Variants in GRID2 observed in about 807,000 individuals in gnomAD.
GRID2 encodes the protein glutamate receptor ionotropic, delta-2.
A neutral mutation model predicts 114.8 loss-of-function variants in GRID2; 33 were observed. The observed-to-expected ratio is 0.29, with a 90% CI of 0.22 to 0.38. GRID2 has a LOEUF of 0.38. GRID2 is among the 10% of genes least tolerant of loss of function. GRID2 has a pLI of 1.00. For synonymous variants in GRID2, 505 were observed against 449.9 expected, an observed-to-expected ratio of 1.12 and a Z score of -1.55; for missense variants, 1,184 against 1,257.7, an observed-to-expected ratio of 0.94 and a Z score of 0.89.
chr4:92,732,130 T>C (rs746592499), intron 2 of GRID2, among the ~76,000 whole-genome samples: 21 of 151,996 alleles, frequency 1.4e-4, no homozygotes, highest in Non-Finnish European at 2.8e-4. Context: ...TAGTATATTG[T>C]AGTCAACACC....
At chr4:92,461,357 A>G (rs913129353) in intron 1 of GRID2, among the ~76,000 whole-genome samples, 1 of 151,980 alleles carries the variant, frequency 6.6e-6, no homozygotes, top group African/African-American at 2.4e-5. Flanking sequence ...ATGTTGAGAA[A>G]AAGCATGGTA....
intron 8 of GRID2, among the ~76,000 whole-genome samples, chr4:93,262,192 C>T (rs114865732): frequency 1.3e-5 from 2 of 151,766 alleles, no homozygotes; most frequent in Non-Finnish European, 2.9e-5. Flanking sequence ...CTTTCAGAAA[C>T]CCAGTCAAAA....
chr4:93,741,190 T>TATATATATATATAC (rs1553994857), intron 14 of GRID2, among the ~76,000 whole-genome samples: 1 of 30,716 alleles, frequency 3.3e-5, no homozygotes, highest in South Asian at 1.2e-3. Flanking sequence ...TATATATATA[T>TATATATATATATAC]ATATATATAT....
intron 2 of GRID2, among the ~76,000 whole-genome samples, chr4:92,921,567 T>A (rs538406639): frequency 6.6e-6 from 1 of 152,326 alleles, no homozygotes; most frequent in East Asian, 1.9e-4. Context: ...CTTCTAACAG[T>A]CAGGACCCTC....
At chr4:92,393,478 A>T (rs1158931069) in intron 1 of GRID2, among the ~76,000 whole-genome samples, 2 of 152,106 alleles carry the variant, frequency 1.3e-5, no homozygotes, top group Admixed American at 1.3e-4. Context: ...ACCTACATAT[A>T]CTCTGAACAA....
chr4:92,306,732 C>A (rs1354968024), intron 1 of GRID2, among the ~76,000 whole-genome samples: 1 of 152,116 alleles, frequency 6.6e-6, no homozygotes, highest in Non-Finnish European at 1.5e-5. Flanking sequence ...TAGAACAAAA[C>A]TGTTGTATTT....
At chr4:93,521,830 G>T (rs1184687055) in intron 13 of GRID2, among the ~76,000 whole-genome samples, 3 of 152,088 alleles carry the variant, frequency 2.0e-5, no homozygotes, top group Admixed American at 1.3e-4. Flanking sequence ...AGTGACACTG[G>T]TAACTGTAGT....
chr4:93,134,887 G>A lies in GRID2; in HGVS notation c.735+23934G>A, dbSNP rs193263590. 4.8e-3 allele frequency among the ~76,000 whole-genome samples: 726 copies of A among 152,054 alleles called. 10 individuals carry two copies. The highest frequency in any genetic ancestry group is 0.017 in the African/African-American group (690 of 41,514). On this transcript the variant is annotated intron_variant, in intron 4 of 15. Coordinates refer to ENST00000282020, the MANE Select transcript of GRID2 (RefSeq NM_001510.4). Reference sequence around the variant, plus strand: ...AGAAATGTATGCCTCGTTGCCCCTCGCTGTTTGGCGTATTGAAACTTGCCT... The same window carrying A: ...AGAAATGTATGCCTCGTTGCCCCTCACTGTTTGGCGTATTGAAACTTGCCT...
chr4:93,073,385 A>T (rs1019448387), intron 2 of GRID2, among the ~76,000 whole-genome samples: 1 of 152,160 alleles, frequency 6.6e-6, no homozygotes, highest in Non-Finnish European at 1.5e-5. Flanking sequence ...GATTGTCATA[A>T]TAATATTTTC....
At chr4:92,423,635 C>A (rs1479773021) in intron 1 of GRID2, among the ~76,000 whole-genome samples, 1 of 152,094 alleles carries the variant, frequency 6.6e-6, no homozygotes, top group East Asian at 1.9e-4. Flanking sequence ...GGGAGTAATG[C>A]TTCTTATGCA....
At chr4:92,582,935 C>A (rs548650337) in intron 1 of GRID2, among the ~76,000 whole-genome samples, 32 of 151,988 alleles carry the variant, frequency 2.1e-4, no homozygotes, top group Admixed American at 1.8e-3. Context: ...TGCAGTGAGC[C>A]ATGGCTGTAT....
At chr4:92,379,667 A>C (rs967926116) in intron 1 of GRID2, among the ~76,000 whole-genome samples, 1 of 151,972 alleles carries the variant, frequency 6.6e-6, no homozygotes, top group African/African-American at 2.4e-5. Flanking sequence ...ATGAAAGACT[A>C]AGGATGTTAG....
chr4:92,374,212 T>C (rs1285254059), intron 1 of GRID2, among the ~76,000 whole-genome samples: 1 of 152,158 alleles, frequency 6.6e-6, no homozygotes, highest in Non-Finnish European at 1.5e-5. Context: ...AGAAACATTT[T>C]ACAACTTATT....
chr4:92,790,351 A>G (rs976376275), intron 2 of GRID2, among the ~76,000 whole-genome samples: 1 of 151,790 alleles, frequency 6.6e-6, no homozygotes, highest in Non-Finnish European at 1.5e-5. Flanking sequence ...ATATTTCTCA[A>G]TAAATGGCAA....
rs565337245 is a variant in GRID2 at position 92,769,325 on chromosome 4, C to T, written c.244+179039C>T. Among the ~76,000 whole-genome samples, 3 of 152,314 alleles carry T rather than the reference C, an allele frequency of 2.0e-5. No homozygotes were observed. In the East Asian group the frequency reaches 5.8e-4, roughly 29 times the overall value. ...AGGTAGCTTTGCCCCTGTAGCTTTG[C>T]AGGGCACAGCCTCCCTCTCACCTGC... is the stretch of plus-strand genomic sequence containing the variant. On this transcript the variant is annotated intron_variant, in intron 2 of 15. Transcript: ENST00000282020.
chr4:92,628,101 TGA>T (rs936685911), intron 2 of GRID2, among the ~76,000 whole-genome samples: 6 of 152,270 alleles, frequency 3.9e-5, no homozygotes, highest in African/African-American at 9.6e-5. Context: ...TTAATATAAT[TGA>T]GAGTTTATAT....
At chr4:92,431,912 A>G (rs62311046) in intron 1 of GRID2, among the ~76,000 whole-genome samples, 43,781 of 152,164 alleles carry the variant, frequency 0.29, 6,434 homozygotes, top group South Asian at 0.37. Context: ...GCATGTTATA[A>G]TCTAAGTCTT....
intron 2 of GRID2, among the ~76,000 whole-genome samples, chr4:92,597,378 T>TCTA (rs1729005260): frequency 6.6e-6 from 1 of 152,200 alleles, no homozygotes; most frequent in South Asian, 2.1e-4. Flanking sequence ...GTAACAGGTC[T>TCTA]CTACTACAGT....
intron 2 of GRID2, among the ~76,000 whole-genome samples, chr4:92,721,130 T>C (rs1201106659): frequency 1.3e-5 from 2 of 152,004 alleles, no homozygotes. Flanking sequence ...CGAGGTAAAA[T>C]GGTAGTTGCC....
Sources: gnomAD v4.1 joint callset for allele counts (sites outside exome capture counted in the v4.1 genomes callset) on GRCh38, gnomAD v4.1.1 for gene constraint, MANE v1.5 for transcripts, NCBI Gene and HGNC (gene_info 2026-07-23, HGNC 2026-07-21) for gene names.